Variants in FAM219A observed in about 807,000 individuals in gnomAD.
The protein encoded by FAM219A is family with sequence similarity 219 member A.
A neutral mutation model predicts 23.4 loss-of-function variants in FAM219A; 7 were observed. The observed-to-expected ratio is 0.30, with a 90% CI of 0.17 to 0.56. The LOEUF (loss-of-function observed/expected upper bound fraction) is 0.56, where lower values mean the gene tolerates loss of function less well. Ranked by LOEUF, FAM219A falls within the 20% of genes least tolerant of loss-of-function variation. The pLI, the probability that FAM219A is intolerant of heterozygous loss-of-function variation, is 0.92. For synonymous variants in FAM219A, 93 were observed against 99.0 expected, an observed-to-expected ratio of 0.94 and a Z score of 0.36; for missense variants, 166 against 246.9, an observed-to-expected ratio of 0.67 and a Z score of 2.20.
intron 1 of FAM219A, among the ~76,000 whole-genome samples, chr9:34,437,023 C>A (rs1216858975): frequency 6.6e-6 from 1 of 152,170 alleles, no homozygotes; most frequent in Non-Finnish European, 1.5e-5. Flanking sequence ...AATTTCCCTG[C>A]CACCAAAAGG....
chr9:34,398,444 C>T lies in FAM219A; in HGVS notation c.*2520G>A. The T allele has an allele frequency of 1.4e-6, 2 of 1,462,004 alleles. No individual in the cohort carries two copies. The highest frequency in any genetic ancestry group is 1.9e-6 in the Non-Finnish European group (2 of 1,069,484). 90.6% of individuals were successfully genotyped at this position (1,462,004 alleles called of 1,614,324 possible). ...AAGCTAAGGCCTAGATTCTTCCCTCCAACCTCCCAGACAGGGAAGGAGGGA... is the reference window on the plus strand; with the variant it reads ...AAGCTAAGGCCTAGATTCTTCCCTCTAACCTCCCAGACAGGGAAGGAGGGA... On this transcript the variant is annotated 3_prime_UTR_variant, in exon 6 of 6. Coordinates refer to ENST00000651358, the MANE Select transcript of FAM219A (RefSeq NM_001184940.2).
At chr9:34,410,300 T>C (rs997967442) in intron 1 of FAM219A, among the ~76,000 whole-genome samples, 1 of 152,080 alleles carries the variant, frequency 6.6e-6, no homozygotes, top group Non-Finnish European at 1.5e-5. Flanking sequence ...GTCAATACAA[T>C]GGTAGGCTGG....
chr9:34,437,993 T>A (rs1564013290), intron 1 of FAM219A, among the ~76,000 whole-genome samples: 1 of 152,134 alleles, frequency 6.6e-6, no homozygotes, highest in Admixed American at 6.5e-5. Context: ...CGAGTGGGCG[T>A]GGGCTTGGCG....
rs140571805 is a variant in FAM219A, at chr9:34,401,260, G to A, written c.400-138C>T. 9.0e-4 allele frequency: 986 copies of A among 1,089,676 alleles called. 11 individuals are homozygous for A. The African/African-American group carries it at 0.013, about 14-fold the overall frequency. 67.5% of individuals were successfully genotyped at this position (1,089,676 alleles called of 1,614,324 possible). A position where few individuals can be genotyped will look rare whatever the true frequency, so the allele number is the denominator to read the frequency against. ...GCCCCGCCCTGTCCCGGGTCTGTCT[G>A]TACCCCCAGGCCCCGCTCCTGCCTA... is the stretch of plus-strand genomic sequence containing the variant. On this transcript the variant is annotated intron_variant, in intron 5 of 5. Transcript: ENST00000651358.
At chr9:34,416,290 G>GGAAGGAAT (rs1314971572) in intron 1 of FAM219A, among the ~76,000 whole-genome samples, 1 of 143,498 alleles carries the variant, frequency 7.0e-6, no homozygotes, top group Non-Finnish European at 1.6e-5. Context: ...AAGGAAGGAA[G>GGAAGGAAT]GAAGGAAGGA....
intron 1 of FAM219A, among the ~76,000 whole-genome samples, chr9:34,409,311 C>T (rs1174849491): frequency 5.3e-5 from 8 of 152,220 alleles, no homozygotes; most frequent in African/African-American, 1.7e-4. Context: ...TGCACCACAA[C>T]CATTGCATGG....
intron 1 of FAM219A, among the ~76,000 whole-genome samples, chr9:34,448,301 A>G (rs1369327189): frequency 6.6e-6 from 1 of 152,180 alleles, no homozygotes; most frequent in Non-Finnish European, 1.5e-5. Flanking sequence ...ATGATGATTC[A>G]GGGCCGCTGG....
intron 1 of FAM219A, among the ~76,000 whole-genome samples, chr9:34,413,784 G>T (rs1038347319): frequency 6.6e-6 from 1 of 152,188 alleles, no homozygotes; most frequent in Non-Finnish European, 1.5e-5. Context: ...AGGATAGACA[G>T]AAAAGCAGAA....
At chr9:34,426,075 T>G (rs1348202236) in intron 1 of FAM219A, among the ~76,000 whole-genome samples, 2 of 152,196 alleles carry the variant, frequency 1.3e-5, no homozygotes, top group African/African-American at 4.8e-5. Context: ...GAGGGTTAGT[T>G]ATAAGGCCTT....
At chr9:34,432,121 G>A (rs1412207181) in intron 1 of FAM219A, among the ~76,000 whole-genome samples, 1 of 152,188 alleles carries the variant, frequency 6.6e-6, no homozygotes, top group Admixed American at 6.5e-5. Flanking sequence ...GCTTCCTTTT[G>A]GTCAAAGTTC....
Position 34,405,877 on chromosome 9 carries a change from G to C in FAM219A, c.148C>G (p.Gln50Glu), listed in dbSNP as rs776170452. 6.2e-6 allele frequency: 10 copies of C among 1,614,032 alleles called. No individual in the cohort carries two copies. Among genetic ancestry groups the C allele is most frequent in the Non-Finnish European group, 7.6e-6 (9 of 1,179,962 alleles). The change falls in exon 2 of 6, where the codon CAA becomes GAA. Residue 50 changes from glutamine (Q) to glutamate (E), a missense_variant. Physicochemically the swap from Gln to Glu is conservative, Grantham distance 29. Coordinates refer to ENST00000651358, the MANE Select transcript of FAM219A (RefSeq NM_001184940.2). The stretch of plus-strand genomic sequence containing the variant: ...CAGACACACTCACCCAGCTTCACTT[G>C]GAGCGGGGATGGTTTGTAATTCATG... ...VAMNYKPSPL[Q>E]VKLEKQRELA...
At chr9:34,420,541 T>C (rs1261611662) in intron 1 of FAM219A, among the ~76,000 whole-genome samples, 3 of 152,162 alleles carry the variant, frequency 2.0e-5, no homozygotes, top group Non-Finnish European at 4.4e-5. Flanking sequence ...TGGGGGGTCA[T>C]TTGCAGCAGG....
chr9:34,421,044 G>GAGAGAGAGAC (rs770336544), intron 1 of FAM219A, among the ~76,000 whole-genome samples: 7,973 of 145,992 alleles, frequency 0.055, 342 homozygotes, highest in Non-Finnish European at 0.072. Flanking sequence ...GAGAGAGAGA[G>GAGAGAGAGAC]AATGGCTCTG....
At chr9:34,407,326 G>GT (rs1371841777) in intron 1 of FAM219A, among the ~76,000 whole-genome samples, 4 of 151,840 alleles carry the variant, frequency 2.6e-5, no homozygotes, top group Non-Finnish European at 5.9e-5. Flanking sequence ...GCAACATTTT[G>GT]GTTGGAGAAA....
intron 1 of FAM219A, among the ~76,000 whole-genome samples, chr9:34,413,199 T>C (rs1588039037): frequency 1.6e-5 from 2 of 122,594 alleles, no homozygotes; most frequent in South Asian, 6.0e-4. Context: ...GGAAGGGAGG[T>C]GGGGGAATCA....
intron 1 of FAM219A, among the ~76,000 whole-genome samples, chr9:34,451,808 T>C (rs1260671859): frequency 6.6e-6 from 1 of 152,190 alleles, no homozygotes; most frequent in Admixed American, 6.5e-5. Flanking sequence ...TGGTACACCT[T>C]GCCTGGAAGA....
rs772706250 is a variant in FAM219A, at chr9:34,400,963, G to A, written c.*1C>T. On this transcript the variant is annotated 3_prime_UTR_variant, in exon 6 of 6. Coordinates refer to ENST00000651358, the MANE Select transcript of FAM219A (RefSeq NM_001184940.2). ...CCCGGCGACCGCAGTGGCCCCGCCC[G>A]CTACTGAATGTGGCAGGCGGTGGAG... The A allele has an allele frequency of 1.8e-5, 27 of 1,534,318 alleles. No homozygotes were observed. The highest frequency in any genetic ancestry group is 7.0e-5 in the African/African-American group (5 of 71,788).
In FAM219A at chr9:34,398,936, C is replaced by T. The variant is rs1452636598; in HGVS notation, c.*2028G>A. ...TCATCATCTAACTTGGGTCCCTGCA[C>T]TAGAGGAGGTAGGAATGGGTTGGCG... On this transcript the variant is annotated 3_prime_UTR_variant, in exon 6 of 6. Transcript: ENST00000651358. 5 of 155,290 alleles carry T rather than the reference C, an allele frequency of 3.2e-5. No individual in the cohort carries two copies. The highest frequency in any genetic ancestry group is 9.7e-5 in the African/African-American group (4 of 41,406). The allele number at this position is 155,290 out of a possible 1,614,324, so 9.6% of individuals were successfully genotyped here.
At chr9:34,434,239 C>A (rs1007255523) in intron 1 of FAM219A, among the ~76,000 whole-genome samples, 1 of 150,214 alleles carries the variant, frequency 6.7e-6, no homozygotes, top group African/African-American at 2.4e-5. Flanking sequence ...AATGAAGTGG[C>A]CTCTCCAGAT....
Sources: allele counts gnomAD v4.1 joint callset (sites outside exome capture counted in the v4.1 genomes callset), GRCh38; gene constraint gnomAD v4.1.1; transcripts MANE v1.5; gene names NCBI Gene and HGNC (gene_info 2026-07-23, HGNC 2026-07-21).